The following CDH18 variants were observed in gnomAD, a reference collection of about 807,000 sequenced individuals.
The protein encoded by CDH18 is cadherin 18.
CDH18 carries 31 observed loss-of-function variants against 67.9 expected under a neutral mutation model. The ratio of observed to expected loss-of-function variants is 0.46; its 90% confidence interval spans 0.34 to 0.62. The LOEUF (loss-of-function observed/expected upper bound fraction) is 0.62, where lower values mean the gene tolerates loss of function less well. CDH18 is among the 20% of genes least tolerant of loss of function. The pLI is 0.01. For synonymous variants in CDH18, 362 were observed against 347.2 expected, an observed-to-expected ratio of 1.04 and a Z score of -0.48; for missense variants, 890 against 975.5, an observed-to-expected ratio of 0.91 and a Z score of 1.17.
At chr5:20,453,407 G>T (rs1750607964) in intron 1 of CDH18, among the ~76,000 whole-genome samples, 1 of 152,086 alleles carries the variant, frequency 6.6e-6, no homozygotes, top group Admixed American at 6.6e-5. Context: ...CAGGCTACAA[G>T]TCCATGAAAG....
intron 2 of CDH18, among the ~76,000 whole-genome samples, chr5:19,944,507 C>A (rs1348887907): frequency 2.6e-5 from 4 of 152,142 alleles, no homozygotes; most frequent in Admixed American, 2.6e-4. Flanking sequence ...AAATCTTCAA[C>A]TCCCTTCAAT....
intron 5 of CDH18, among the ~76,000 whole-genome samples, chr5:19,674,299 A>G (rs553540628): frequency 6.6e-6 from 1 of 152,256 alleles, no homozygotes; most frequent in African/African-American, 2.4e-5. Flanking sequence ...ATTTGCAAAA[A>G]TTTATTGTGA....
chr5:20,304,456 T>C (rs1489114930), intron 1 of CDH18: 4 of 1,532,072 alleles, frequency 2.6e-6, no homozygotes, highest in East Asian at 2.2e-5. Context: ...CACCTTTGCA[T>C]TCACCACTGT....
chr5:20,101,842 G>C (rs1056384850), intron 2 of CDH18, among the ~76,000 whole-genome samples: 1 of 152,184 alleles, frequency 6.6e-6, no homozygotes, highest in Non-Finnish European at 1.5e-5. Flanking sequence ...GGGAGGCCGA[G>C]GCGGGCGGGT....
chr5:19,811,098 G>C (rs527376344), intron 3 of CDH18, among the ~76,000 whole-genome samples: 3 of 44,356 alleles, frequency 6.8e-5, no homozygotes, highest in Admixed American at 2.6e-4. Context: ...AAGAAAGAAA[G>C]AAAGAAAGAA....
chr5:19,786,845 G>A (rs958274488), intron 3 of CDH18, among the ~76,000 whole-genome samples: 1 of 152,040 alleles, frequency 6.6e-6, no homozygotes, highest in Non-Finnish European at 1.5e-5. Context: ...GGCATGGCTG[G>A]GGGGGTGTTG....
At chr5:20,344,492 C>A (rs573870339) in intron 1 of CDH18, among the ~76,000 whole-genome samples, 1 of 151,920 alleles carries the variant, frequency 6.6e-6, no homozygotes. Flanking sequence ...CTAATTAATA[C>A]GATAATTACT....
At chr5:20,413,184 G>A (rs1746947155) in intron 1 of CDH18, among the ~76,000 whole-genome samples, 1 of 152,196 alleles carries the variant, frequency 6.6e-6, no homozygotes, top group Admixed American at 6.5e-5. Flanking sequence ...GTGTATATGT[G>A]CCACATTTTC....
At chr5:20,351,904 A>G (rs1741213912) in intron 1 of CDH18, among the ~76,000 whole-genome samples, 1 of 152,196 alleles carries the variant, frequency 6.6e-6, no homozygotes, top group African/African-American at 2.4e-5. Flanking sequence ...CCACTGGAGC[A>G]AACTTTCTTA....
At chr5:19,557,336 T>C (rs1447407063) in intron 8 of CDH18, among the ~76,000 whole-genome samples, 1 of 152,216 alleles carries the variant, frequency 6.6e-6, no homozygotes. Flanking sequence ...ACTTAAAAGA[T>C]ACAGAATGGC....
At chr5:20,050,971 A>G (rs1200966061) in intron 2 of CDH18, among the ~76,000 whole-genome samples, 1 of 151,840 alleles carries the variant, frequency 6.6e-6, no homozygotes, top group African/African-American at 2.4e-5. Context: ...ACATAATTTT[A>G]AGACCATGAG....
intron 2 of CDH18, among the ~76,000 whole-genome samples, chr5:20,139,698 C>T (rs75840598): frequency 0.85 from 129,570 of 152,194 alleles, 56,492 homozygotes; most frequent in Non-Finnish European, 0.94. Flanking sequence ...ATTCATGCAG[C>T]CCACAGACAC....
intron 2 of CDH18, among the ~76,000 whole-genome samples, chr5:20,095,969 TA>T (rs776951457): frequency 9.3e-5 from 14 of 151,194 alleles, no homozygotes; most frequent in East Asian, 1.9e-4. Flanking sequence ...ATATTCAGAC[TA>T]AAAAAAAGGC....
At chr5:19,624,387 T>C (rs1039661748) in intron 5 of CDH18, among the ~76,000 whole-genome samples, 1 of 152,190 alleles carries the variant, frequency 6.6e-6, no homozygotes, top group Non-Finnish European at 1.5e-5. Flanking sequence ...GTATATACAA[T>C]ATATGAATAT....
chr5:20,382,258 A>G (rs1188767429), intron 1 of CDH18, among the ~76,000 whole-genome samples: 2 of 152,210 alleles, frequency 1.3e-5, no homozygotes, highest in African/African-American at 4.8e-5. Flanking sequence ...AGCAGTGACA[A>G]CTGGCATTTT....
chr5:19,905,451 T>C (rs1232799175), intron 2 of CDH18, among the ~76,000 whole-genome samples: 3 of 143,460 alleles, frequency 2.1e-5, no homozygotes, highest in Non-Finnish European at 4.5e-5. Flanking sequence ...ATAAATTGTA[T>C]GATCAATGAT....
At position 19,745,422 on chromosome 5, in the gene CDH18, T is replaced by G. The variant is rs1719932525; in HGVS notation, c.523+1520A>C. The stretch of plus-strand genomic sequence containing the variant: ...AACCCCTGTGGTTATGACAGTTTCC[T>G]TTGTGCTCCTTGGGGCCCTTACTTA... On this transcript the variant is annotated intron_variant, in intron 4 of 12. Transcript: ENST00000382275. Among the ~76,000 whole-genome samples the G allele has an allele frequency of 2.0e-5, 3 of 152,156 alleles. No homozygotes were observed. In the South Asian group the frequency reaches 6.2e-4, roughly 32 times the overall value.
chr5:20,546,625 TG>T (rs1423432493), intron 1 of CDH18, among the ~76,000 whole-genome samples: 1 of 152,054 alleles, frequency 6.6e-6, no homozygotes, highest in Non-Finnish European at 1.5e-5. Flanking sequence ...AATAATAACA[TG>T]GGAGAAACCA....
At chr5:20,153,079 A>G (rs558890854) in intron 2 of CDH18, among the ~76,000 whole-genome samples, 2 of 151,588 alleles carry the variant, frequency 1.3e-5, no homozygotes, top group Non-Finnish European at 2.9e-5. Context: ...AGAAGCTGGG[A>G]CTGCAGGCAT....
Sources: gnomAD v4.1 joint callset for allele counts (sites outside exome capture counted in the v4.1 genomes callset) on GRCh38, gnomAD v4.1.1 for gene constraint, MANE v1.5 for transcripts, NCBI Gene and HGNC (gene_info 2026-07-23, HGNC 2026-07-21) for gene names.